ZEB2: variants seen among roughly 807,000 people sequenced by gnomAD.
The protein encoded by ZEB2 is zinc finger E-box-binding homeobox 2.
Under a neutral mutation model 99.9 loss-of-function variants are expected in ZEB2, and 6 were observed. That is an observed-to-expected ratio of 0.06 (90% CI 0.03 to 0.12). ZEB2 has a LOEUF of 0.12. ZEB2 is among the 10% of genes least tolerant of loss of function. The pLI is 1.00. For synonymous variants in ZEB2, 517 were observed against 542.5 expected, an observed-to-expected ratio of 0.95 and a Z score of 0.65; for missense variants, 969 against 1,502.8, an observed-to-expected ratio of 0.64 and a Z score of 5.87.
At chr2:144,424,702 G>T in intron 4 of ZEB2, 94 bp downstream of exon 4, 1 of 1,410,502 alleles carries the variant, frequency 7.1e-7, no homozygotes, top group Non-Finnish European at 1.0e-6. Flanking sequence ...AAGTCATGGA[G>T]ATACAAATGG....
intron 2 of ZEB2, chr2:144,431,082 G>A (rs1180552626): frequency 6.6e-6 from 1 of 152,068 alleles, no homozygotes. Context: ...GGGAACAAGA[G>A]GGAGAGAGAA....
intron 9 of ZEB2, among the ~76,000 whole-genome samples, chr2:144,392,000 A>T (rs1459562917): frequency 6.6e-6 from 1 of 152,232 alleles, no homozygotes; most frequent in Non-Finnish European, 1.5e-5. Flanking sequence ...TGCACATAGT[A>T]GGCAGTCAGT....
chr2:144,413,984 G>A lies in ZEB2; in HGVS notation c.404-8960C>T, dbSNP rs150688487. On this transcript the variant is annotated intron_variant, in intron 4 of 9. Transcript: ENST00000627532. Reference sequence around the variant, plus strand: ...CTTTCCCCTATGCTAACGATGCGATGCACAGAATTGATGGTTAAAGAGACT... The same window carrying A: ...CTTTCCCCTATGCTAACGATGCGATACACAGAATTGATGGTTAAAGAGACT... 2.0e-5 allele frequency among the ~76,000 whole-genome samples: 3 copies of A among 152,322 alleles called. No individual in the cohort carries two copies. The East Asian group carries it at 5.8e-4, about 29-fold the overall frequency.
chr2:144,414,943 A>AGTGT (rs1293359284), intron 4 of ZEB2, among the ~76,000 whole-genome samples: 1 of 44,232 alleles, frequency 2.3e-5, no homozygotes, highest in East Asian at 6.5e-4. Context: ...CCCACTTCAG[A>AGTGT]GTGTATGTGT....
chr2:144,511,309 T>C, intron 2 of ZEB2: 2 of 987,790 alleles, frequency 2.0e-6, no homozygotes, highest in Non-Finnish European at 2.6e-6. Flanking sequence ...ATGGATGGCT[T>C]TTCTTCTTAC....
chr2:144,390,114 G>A, intron 9 of ZEB2, 86 bp from the exon 10 acceptor site: 1 of 1,390,230 alleles, frequency 7.2e-7, no homozygotes. Context: ...TCCAGACTCA[G>A]GCATAAGCGT....
intron 3 of ZEB2, chr2:144,428,412 C>T (rs1364080974): frequency 6.6e-6 from 1 of 152,118 alleles, no homozygotes; most frequent in African/African-American, 2.4e-5. Flanking sequence ...AATGATCATC[C>T]TCTGCCCCTA....
At chr2:144,492,696 TAAAAAC>T (rs1050141336) in intron 2 of ZEB2, among the ~76,000 whole-genome samples, 19 of 152,074 alleles carry the variant, frequency 1.2e-4, no homozygotes, top group African/African-American at 3.9e-4. Flanking sequence ...AAATACAAAC[TAAAAAC>T]AAAAACAAAA....
intron 2 of ZEB2, among the ~76,000 whole-genome samples, chr2:144,446,532 T>C (rs1270399639): frequency 6.6e-6 from 1 of 152,152 alleles, no homozygotes; most frequent in East Asian, 1.9e-4. Context: ...ATGTTACATG[T>C]ATATATTATC....
rs1226310058 is a variant in ZEB2, at chr2:144,387,254, GA to G, written c.*2196del. On this transcript the variant is annotated 3_prime_UTR_variant, in exon 10 of 10. Transcript: ENST00000627532. ...GCTTTTCTTCTTTGATTCTAAAGTA[GA>G]AAAAATACATGGACAGCTACTATAT... 6.6e-6 allele frequency: 1 copy of G among 151,796 alleles called. No homozygotes were observed. Among genetic ancestry groups the G allele is most frequent in the Non-Finnish European group, 1.5e-5 (1 of 67,900 alleles). The allele number at this position is 151,796 out of a possible 1,614,324, so 9.4% of individuals were successfully genotyped here.
intron 2 of ZEB2, among the ~76,000 whole-genome samples, chr2:144,440,505 ATATATATATATTTTTTTTTTTTTTT>A (rs1186771738): frequency 0.054 from 843 of 15,638 alleles, 9 homozygotes; most frequent in Non-Finnish European, 0.064. Context: ...ATATATATAT[ATATATATATATTTTTTTTTTTTTTT>A]TTTTTTTTTT....
chr2:144,471,322 A>G (rs1704352095), intron 2 of ZEB2, among the ~76,000 whole-genome samples: 1 of 152,140 alleles, frequency 6.6e-6, no homozygotes, highest in Non-Finnish European at 1.5e-5. Flanking sequence ...GAAGAAAGGG[A>G]AAGAGGATCA....
chr2:144,424,665 A>T, intron 4 of ZEB2, 131 bp downstream of exon 4: 1 of 1,087,876 alleles, frequency 9.2e-7, no homozygotes, highest in Non-Finnish European at 1.4e-6. Context: ...AAACAAAACC[A>T]GAGACCTGTA....
intron 4 of ZEB2, among the ~76,000 whole-genome samples, chr2:144,416,274 C>T (rs1703539030): frequency 6.6e-6 from 1 of 152,152 alleles, no homozygotes. Context: ...CCATCTCTGT[C>T]CCTTACACTT....
chr2:144,415,670 C>T (rs1290363275), intron 4 of ZEB2, among the ~76,000 whole-genome samples: 1 of 152,188 alleles, frequency 6.6e-6, no homozygotes, highest in Non-Finnish European at 1.5e-5. Flanking sequence ...GTTCCTGTTT[C>T]GTCAACTCAC....
chr2:144,398,983 G>A lies in ZEB2; in HGVS notation c.2204C>T (p.Pro735Leu). 4 of 1,614,176 alleles carry A rather than the reference G, an allele frequency of 2.5e-6. No homozygotes were observed. Among genetic ancestry groups the A allele is most frequent in the East Asian group, 2.2e-5 (1 of 44,876 alleles). The change falls in exon 8 of 10, where the codon CCT becomes CTT. Residue 735 changes from proline to leucine, a missense_variant. Pro to Leu is a moderately conservative substitution (Grantham distance 98). Transcript: ENST00000627532. ...DSLLPRSPVK[P>L]MDSITSPSIA... ...AGATGGTGATGTTATGGAGTCCATA[G>A]GTTTTACAGGAGACCTGGGTAATAA...
Position 144,519,923 on chromosome 2 carries a change from A to AG in ZEB2, c.-70+15dup, listed in dbSNP as rs1705238581. ...AAGGGATAAAAAGAGAGAAAAGGGG[A>AG]GGAAAAAAAACCTACCTGCGAAGTC... On this transcript the variant is annotated intron_variant, in intron 1 of 9. Transcript: ENST00000627532. 1 of 443,832 alleles carries AG rather than the reference A, an allele frequency of 2.3e-6. No individual in the cohort carries two copies. Among genetic ancestry groups the AG allele is most frequent in the Admixed American group, 2.5e-5 (1 of 40,128 alleles). 27.5% of individuals were successfully genotyped at this position (443,832 alleles called of 1,614,324 possible). A position where few individuals can be genotyped will look rare whatever the true frequency, so the allele number is the denominator to read the frequency against.
At chr2:144,447,488 C>T (rs1704001483) in intron 2 of ZEB2, among the ~76,000 whole-genome samples, 2 of 152,170 alleles carry the variant, frequency 1.3e-5, no homozygotes, top group Non-Finnish European at 2.9e-5. Context: ...TTACCACATC[C>T]CCCAGTTACT....
At chr2:144,396,318 G>A in intron 9 of ZEB2, 94 bp downstream of exon 9, 2 of 1,491,642 alleles carry the variant, frequency 1.3e-6, no homozygotes, top group Non-Finnish European at 1.9e-6. Flanking sequence ...ATCAGCATAT[G>A]TTACATCTTA....
Sources: gnomAD v4.1 joint callset for allele counts (sites outside exome capture counted in the v4.1 genomes callset) on GRCh38, gnomAD v4.1.1 for gene constraint, MANE v1.5 for transcripts, NCBI Gene and HGNC (gene_info 2026-07-23, HGNC 2026-07-21) for gene names.